The following ATP9A variants were observed in gnomAD, a reference collection of about 807,000 sequenced individuals.
ATP9A encodes probable phospholipid-transporting ATPase IIA.
Under a neutral mutation model 144.1 loss-of-function variants are expected in ATP9A, and 52 were observed. That is an observed-to-expected ratio of 0.36 (90% confidence interval 0.29 to 0.45). The LOEUF (loss-of-function observed/expected upper bound fraction) is 0.45. Among genes scored for constraint, ATP9A ranks in the 20% least tolerant of loss-of-function variants. The probability of loss-of-function intolerance (pLI) is 1.00; values close to 1 mark genes in which losing one functional copy is unlikely to be tolerated. For synonymous variants in ATP9A, 582 were observed against 557.4 expected (o/e 1.04, Z -0.62); for missense variants, 947 against 1,392.7 (o/e 0.68, Z 5.09).
intron 9 of ATP9A, among the ~76,000 whole-genome samples, chr20:51,680,376 C>G (rs2077495222): frequency 6.6e-6 from 1 of 151,966 alleles, no homozygotes. Flanking sequence ...TTGAGAAGAA[C>G]TGGGCTAGAG....
At chr20:51,665,666 G>A (rs1034457189) in intron 13 of ATP9A, among the ~76,000 whole-genome samples, 2 of 151,882 alleles carry the variant, frequency 1.3e-5, no homozygotes, top group South Asian at 4.2e-4. Flanking sequence ...AGAGTTTGTG[G>A]TAAGCCAAGA....
intron 15 of ATP9A, among the ~76,000 whole-genome samples, chr20:51,630,036 T>C (rs2077264245): frequency 6.6e-6 from 1 of 152,212 alleles, no homozygotes; most frequent in African/African-American, 2.4e-5. Flanking sequence ...CATGTGGCAA[T>C]GTCTGGAGAC....
intron 13 of ATP9A, among the ~76,000 whole-genome samples, chr20:51,666,678 T>TC (rs1568811077): frequency 0.02 from 1,658 of 84,552 alleles, 18 homozygotes; most frequent in Middle Eastern, 0.059. Context: ...AGACTGTGTC[T>TC]TAAAAAAAAA....
At chr20:51,617,045 G>A (rs2077206101) in intron 22 of ATP9A, among the ~76,000 whole-genome samples, 1 of 151,100 alleles carries the variant, frequency 6.6e-6, no homozygotes, top group Non-Finnish European at 1.5e-5. Flanking sequence ...GGGTTCAGGC[G>A]ATTCTCCTAT....
intron 5 of ATP9A, among the ~76,000 whole-genome samples, chr20:51,696,952 A>T (rs2077573003): frequency 6.6e-6 from 1 of 152,162 alleles, no homozygotes; most frequent in African/African-American, 2.4e-5. Context: ...TTTAAAATGT[A>T]TTTTTGGTCT....
intron 14 of ATP9A, among the ~76,000 whole-genome samples, chr20:51,654,189 A>G (rs1227608126): frequency 6.6e-6 from 1 of 152,122 alleles, no homozygotes; most frequent in Non-Finnish European, 1.5e-5. Context: ...TTCAAATGTC[A>G]ACAGTCACGG....
At chr20:51,650,843 ACATGTGCATC>A (rs1189261349) in intron 14 of ATP9A, among the ~76,000 whole-genome samples, 1 of 152,000 alleles carries the variant, frequency 6.6e-6, no homozygotes, top group Non-Finnish European at 1.5e-5. Context: ...TCATACACAC[ACATGTGCATC>A]CATGTGCACA....
At position 51,658,337 on chromosome 20, in the gene ATP9A, C is replaced by G. The variant is rs551611017; in HGVS notation, c.1294-1187G>C. 2.6e-4 allele frequency among the ~76,000 whole-genome samples: 40 copies of G among 152,014 alleles called. No individual in the cohort carries two copies. The East Asian group carries it at 5.6e-3, about 21-fold the overall frequency. On this transcript the variant is annotated intron_variant, in intron 13 of 27. Transcript: ENST00000338821. ...AGCTGGGTGTGGTGGCACTGTAATC[C>G]CAGCTACTCGGGAGGCTGAGGCAGG...
intron 13 of ATP9A, among the ~76,000 whole-genome samples, chr20:51,666,483 C>G (rs1290216355): frequency 6.6e-6 from 1 of 152,032 alleles, no homozygotes; most frequent in Non-Finnish European, 1.5e-5. Flanking sequence ...GAGTTTGAGA[C>G]CAGCCAGGCC....
intron 27 of ATP9A, among the ~76,000 whole-genome samples, chr20:51,602,584 T>C (rs754526544): frequency 1.3e-5 from 2 of 152,270 alleles, no homozygotes; most frequent in Non-Finnish European, 2.9e-5. Flanking sequence ...CTTTAGTTCC[T>C]GGAGCGCACA....
chr20:51,670,118 C>A lies in ATP9A; in HGVS notation c.1181-9G>T. On this transcript the variant is annotated splice_polypyrimidine_tract_variant and intron_variant, in intron 12 of 27. Transcript: ENST00000338821. ...GTTCTGGGTAAGAGTGCCTAAAACA[C>A]AAGACAAATGAGTGGCCGGCCTGTC... 1.9e-6 allele frequency: 3 copies of A among 1,603,456 alleles called. No homozygotes were observed. The highest frequency in any genetic ancestry group is 2.6e-6 in the Non-Finnish European group (3 of 1,170,282).
chr20:51,748,392 G>C (rs1385502151), intron 1 of ATP9A, among the ~76,000 whole-genome samples: 1 of 152,212 alleles, frequency 6.6e-6, no homozygotes, highest in East Asian at 1.9e-4. Context: ...ATAAACACAG[G>C]GTCCAGTGGG....
intron 13 of ATP9A, among the ~76,000 whole-genome samples, chr20:51,662,763 C>T (rs1337732802): frequency 1.3e-5 from 2 of 151,716 alleles, no homozygotes; most frequent in African/African-American, 2.4e-5. Flanking sequence ...CTCAGAATAA[C>T]CAATAAAGAT....
intron 6 of ATP9A, among the ~76,000 whole-genome samples, chr20:51,695,451 A>G (rs1378888503): frequency 6.9e-6 from 1 of 144,104 alleles, no homozygotes; most frequent in Non-Finnish European, 1.5e-5. Flanking sequence ...CGACAGAGCA[A>G]GACCCGGTCT....
intron 7 of ATP9A, among the ~76,000 whole-genome samples, chr20:51,692,170 C>T (rs1014410366): frequency 2.0e-5 from 3 of 152,144 alleles, no homozygotes; most frequent in Non-Finnish European, 4.4e-5. Flanking sequence ...AAGATGAACA[C>T]GGCTGATGCC....
intron 14 of ATP9A, among the ~76,000 whole-genome samples, chr20:51,651,294 AATATATATTTACATAATATATTATATAAT>A (rs1568803521): frequency 0.032 from 4,242 of 133,988 alleles, 164 homozygotes; most frequent in African/African-American, 0.039. Flanking sequence ...TATATTATAT[AATATATATTTACATAATATATTATATAAT>A]ATATATTTAC....
At chr20:51,632,912 C>T (rs2077275400) in intron 15 of ATP9A, among the ~76,000 whole-genome samples, 1 of 152,082 alleles carries the variant, frequency 6.6e-6, no homozygotes, top group Non-Finnish European at 1.5e-5. Context: ...CACCTGAGGT[C>T]AGGAGTTCGA....
At chr20:51,685,326 T>A (rs887994797) in intron 9 of ATP9A, among the ~76,000 whole-genome samples, 8 of 152,236 alleles carry the variant, frequency 5.3e-5, no homozygotes, top group Non-Finnish European at 1.2e-4. Flanking sequence ...TTTAAGAGAC[T>A]GAGGCGGGTG....
chr20:51,733,353 T>C (rs1408177507), intron 1 of ATP9A, among the ~76,000 whole-genome samples: 1 of 151,866 alleles, frequency 6.6e-6, no homozygotes, highest in Non-Finnish European at 1.5e-5. Flanking sequence ...ATAGATTCAG[T>C]ATCTGGTGAG....
Sources: gnomAD v4.1 joint callset for allele counts (sites outside exome capture counted in the v4.1 genomes callset) on GRCh38, gnomAD v4.1.1 for gene constraint, MANE v1.5 for transcripts, NCBI Gene and HGNC (gene_info 2026-07-23, HGNC 2026-07-21) for gene names.